The following PRSS23 variants were observed in gnomAD, a reference collection of about 807,000 sequenced individuals.
PRSS23 encodes the protein serine protease 23.
A neutral mutation model predicts 34.7 loss-of-function variants in PRSS23; 25 were observed. The ratio of observed to expected loss-of-function variants is 0.72; its 90% CI spans 0.53 to 1.01. The LOEUF (loss-of-function observed/expected upper bound fraction) is 1.01. PRSS23 is among the 50% of genes least tolerant of loss of function. The pLI is 0.00. For synonymous variants in PRSS23, 176 were observed against 186.6 expected (o/e 0.94, Z 0.46); for missense variants, 445 against 475.6 (o/e 0.94, Z 0.60).
At chr11:86,846,822 T>C (rs1470667745) in intron 2 of PRSS23, among the ~76,000 whole-genome samples, 1 of 152,206 alleles carries the variant, frequency 6.6e-6, no homozygotes, top group Admixed American at 6.5e-5. Flanking sequence ...GGTGTCACCA[T>C]TTGATGGCTA....
intron 1 of PRSS23, among the ~76,000 whole-genome samples, chr11:86,805,332 T>G (rs1186096561): frequency 6.6e-6 from 1 of 152,118 alleles, no homozygotes; most frequent in Non-Finnish European, 1.5e-5. Context: ...CCACACCCAT[T>G]TCACTGCCAA....
chr11:86,856,400 A>G (rs959538106), intron 2 of PRSS23, among the ~76,000 whole-genome samples: 1 of 152,000 alleles, frequency 6.6e-6, no homozygotes, highest in Admixed American at 6.6e-5. Flanking sequence ...CCCAGGCCTC[A>G]TCATGTCTAA....
chr11:86,939,426 A>ATTTTTTTTTTTTTT, intron 2 of PRSS23, among the ~76,000 whole-genome samples: 16 of 94,068 alleles, frequency 1.7e-4, no homozygotes, highest in African/African-American at 5.3e-4. Flanking sequence ...ATATATATAT[A>ATTTTTTTTTTTTTT]TTTTTTAACA....
intron 2 of PRSS23, among the ~76,000 whole-genome samples, chr11:86,864,373 A>C (rs977795040): frequency 3.9e-5 from 6 of 152,190 alleles, no homozygotes; most frequent in African/African-American, 1.2e-4. Context: ...GGAGGTTGTC[A>C]AGTTGGAGGC....
rs189361379 is a variant in PRSS23 at position 86,801,707 on chromosome 11, A to G, written c.-14+1056A>G. Among the ~76,000 whole-genome samples, 3 of 152,336 alleles carry G rather than the reference A, an allele frequency of 2.0e-5. No homozygotes were observed. In the East Asian group the frequency reaches 5.8e-4, roughly 29 times the overall value. On this transcript the variant is annotated intron_variant, in intron 1 of 1. Coordinates refer to ENST00000280258, the MANE Select transcript of PRSS23 (RefSeq NM_007173.6). Reference sequence around the variant, plus strand: ...TGTTGTTTCAAGATCCTACTTGTGCATGCGAGTATTTGTGACAGGTTTATA... The same window carrying G: ...TGTTGTTTCAAGATCCTACTTGTGCGTGCGAGTATTTGTGACAGGTTTATA...
At chr11:86,873,439 C>A (rs7944581) in intron 2 of PRSS23, among the ~76,000 whole-genome samples, 85,866 of 151,188 alleles carry the variant, frequency 0.57, 25,310 homozygotes, top group African/African-American at 0.73. Flanking sequence ...CCACCATGCC[C>A]AGCTCATTTG....
intron 1 of PRSS23, among the ~76,000 whole-genome samples, chr11:86,820,075 C>T (rs1948241887): frequency 6.6e-6 from 1 of 152,172 alleles, no homozygotes; most frequent in Admixed American, 6.5e-5. Flanking sequence ...TGCAAATAAT[C>T]TCCCACGTGC....
intron 2 of PRSS23, among the ~76,000 whole-genome samples, chr11:86,941,207 G>C (rs1047881550): frequency 1.3e-5 from 2 of 152,108 alleles, no homozygotes; most frequent in Non-Finnish European, 2.9e-5. Flanking sequence ...ATGGTGAGAC[G>C]ACAGCAGTTT....
At chr11:86,873,762 T>A (rs1468546269) in intron 2 of PRSS23, among the ~76,000 whole-genome samples, 1 of 152,140 alleles carries the variant, frequency 6.6e-6, no homozygotes, top group Non-Finnish European at 1.5e-5. Context: ...CATGTTCCAC[T>A]ATCAGATGGA....
chr11:86,952,254 G>A lies in PRSS23; in HGVS notation c.*969G>A, dbSNP rs61735303. The A allele has an allele frequency of 0.018, 29,630 of 1,614,150 alleles. 353 individuals are homozygous for A. Among genetic ancestry groups the A allele is most frequent in the Admixed American group, 0.038 (2,280 of 60,022 alleles). ...TGGATGGGGGTTTTGTGAGGTAAGGGCACCTCTTCATCACCTGGCCCTTCC... is the reference window on the plus strand; with the variant it reads ...TGGATGGGGGTTTTGTGAGGTAAGGACACCTCTTCATCACCTGGCCCTTCC... On this transcript the variant is annotated 3_prime_UTR_variant, in exon 3 of 3. Coordinates refer to the PRSS23 transcript ENST00000533902.
intron 2 of PRSS23, chr11:86,939,087 G>A: frequency 2.3e-6 from 1 of 428,540 alleles, no homozygotes. Context: ...CAGGCTCTGA[G>A]GAATCATCAA....
chr11:86,817,718 A>G (rs1451084345), intron 1 of PRSS23, among the ~76,000 whole-genome samples: 1 of 152,256 alleles, frequency 6.6e-6, no homozygotes. Flanking sequence ...GTATCAGATC[A>G]TTCATTTATG....
At position 86,808,579 on chromosome 11, in the gene PRSS23, G is replaced by T. The variant is rs765556909; in HGVS notation, c.936G>T (p.Gln312His). 2 of 1,614,204 alleles carry T rather than the reference G, an allele frequency of 1.2e-6. No homozygotes were observed. The highest frequency in any genetic ancestry group is 1.6e-4 in the Middle Eastern group (1 of 6,062). Residue 312 changes from glutamine (Q) to histidine (H), a missense_variant, in exon 2 of 2, where the codon CAG becomes CAT. Gln to His is a conservative substitution (Grantham distance 24). Transcript: ENST00000280258. The stretch of plus-strand genomic sequence containing the variant: ...TGCTCTACCAGCAATGCGATGCCCA[G>T]CCAGGGGCCAGCGGGTCTGGGGTCT... ...YDLLYQQCDA[Q>H]PGASGSGVYV...
chr11:86,833,974 C>A (rs971342934), intron 2 of PRSS23, among the ~76,000 whole-genome samples: 28 of 152,158 alleles, frequency 1.8e-4, no homozygotes, highest in Admixed American at 1.7e-3. Context: ...GCTAGCAGGC[C>A]GGTCCAGGGG....
chr11:86,824,462 C>CT (rs945060012), intron 2 of PRSS23, among the ~76,000 whole-genome samples: 52 of 144,078 alleles, frequency 3.6e-4, no homozygotes, highest in South Asian at 4.4e-4. Flanking sequence ...GTCTTTTTAT[C>CT]TTTTTTTTTT....
At chr11:86,947,697 T>TA (rs1262041599) in intron 2 of PRSS23, 1 of 152,210 alleles carries the variant, frequency 6.6e-6, no homozygotes, top group Non-Finnish European at 1.5e-5. Context: ...GGAAAGAGGA[T>TA]ATGAATCAAC....
chr11:86,878,676 G>A (rs555425165), intron 2 of PRSS23, among the ~76,000 whole-genome samples: 2,297 of 152,052 alleles, frequency 0.015, 18 homozygotes, highest in Middle Eastern at 0.024. Flanking sequence ...GCCTCTGCCC[G>A]GCTGCCACCC....
intron 2 of PRSS23, among the ~76,000 whole-genome samples, chr11:86,900,547 T>A (rs939396048): frequency 6.6e-6 from 1 of 152,190 alleles, no homozygotes; most frequent in African/African-American, 2.4e-5. Context: ...TACCAGGTGC[T>A]ACAGGGCCCT....
At chr11:86,869,018 G>A (rs963963297) in intron 2 of PRSS23, among the ~76,000 whole-genome samples, 2 of 152,020 alleles carry the variant, frequency 1.3e-5, no homozygotes, top group Admixed American at 6.6e-5. Flanking sequence ...TTGCCATGTT[G>A]CCCGGGCTGC....
Sources: gnomAD v4.1 joint callset for allele counts (sites outside exome capture counted in the v4.1 genomes callset) on GRCh38, gnomAD v4.1.1 for gene constraint, MANE v1.5 for transcripts, NCBI Gene and HGNC (gene_info 2026-07-23, HGNC 2026-07-21) for gene names.